INPP4B: variants seen among roughly 807,000 people sequenced by gnomAD.
INPP4B encodes inositol polyphosphate-4-phosphatase type II B.
INPP4B carries 55 observed loss-of-function variants against 122.5 expected under a neutral mutation model. The observed-to-expected ratio is 0.45, with a 90% CI of 0.36 to 0.56. The LOEUF (loss-of-function observed/expected upper bound fraction) is 0.56, where lower values mean the gene tolerates loss of function less well. Ranked by LOEUF, INPP4B falls within the 20% of genes least tolerant of loss-of-function variation. The pLI, the probability that INPP4B is intolerant of heterozygous loss-of-function variation, is 0.00. For synonymous variants in INPP4B, 403 were observed against 388.7 expected, an observed-to-expected ratio of 1.04 and a Z score of -0.43; for missense variants, 1,000 against 1,097.7, an observed-to-expected ratio of 0.91 and a Z score of 1.26.
chr4:142,784,614 T>A (rs774997842), intron 1 of INPP4B, among the ~76,000 whole-genome samples: 2 of 152,088 alleles, frequency 1.3e-5, no homozygotes, highest in Admixed American at 6.6e-5. Flanking sequence ...ACATGCAGGT[T>A]AGCTTGAGAG....
chr4:142,204,154 C>G (rs1308567489), intron 14 of INPP4B, among the ~76,000 whole-genome samples: 1 of 152,062 alleles, frequency 6.6e-6, no homozygotes, highest in Non-Finnish European at 1.5e-5. Flanking sequence ...CCCAAAATTT[C>G]AATGGAGTTT....
chr4:142,629,506 A>C (rs1361885080), intron 2 of INPP4B, among the ~76,000 whole-genome samples: 5 of 152,032 alleles, frequency 3.3e-5, no homozygotes, highest in Non-Finnish European at 2.9e-5. Flanking sequence ...GAGTGTATGC[A>C]TGAGTGTGTA....
At chr4:142,686,595 C>T (rs775127097) in intron 2 of INPP4B, among the ~76,000 whole-genome samples, 1 of 152,072 alleles carries the variant, frequency 6.6e-6, no homozygotes, top group Non-Finnish European at 1.5e-5. Flanking sequence ...ATTGTTACAT[C>T]TTTGACATTT....
At chr4:142,712,410 C>T (rs1763226026) in intron 2 of INPP4B, among the ~76,000 whole-genome samples, 1 of 152,180 alleles carries the variant, frequency 6.6e-6, no homozygotes, top group Admixed American at 6.5e-5. Context: ...GATGCAGATA[C>T]CTATACATGA....
At chr4:142,053,573 C>A (rs1849062) in intron 25 of INPP4B, among the ~76,000 whole-genome samples, 132,562 of 152,072 alleles carry the variant, frequency 0.87, 59,940 homozygotes, top group Non-Finnish European at 0.98. Flanking sequence ...ATAAAAGTTA[C>A]AATTGTACCT....
intron 9 of INPP4B, among the ~76,000 whole-genome samples, chr4:142,294,759 G>T (rs563635522): frequency 1.0e-4 from 14 of 135,252 alleles, no homozygotes; most frequent in Non-Finnish European, 1.5e-5. Flanking sequence ...GGGTAGAGAT[G>T]AAACTGAAAA....
At chr4:142,203,066 C>A (rs959786847) in intron 14 of INPP4B, among the ~76,000 whole-genome samples, 3 of 152,126 alleles carry the variant, frequency 2.0e-5, no homozygotes, top group Non-Finnish European at 4.4e-5. Context: ...ACGAGTGAAA[C>A]TCCATTGATT....
intron 1 of INPP4B, among the ~76,000 whole-genome samples, chr4:142,842,816 G>T (rs1783702869): frequency 7.8e-6 from 1 of 128,444 alleles, no homozygotes; most frequent in Non-Finnish European, 1.6e-5. Flanking sequence ...AAATATGTAT[G>T]ATATATATAA....
intron 17 of INPP4B, among the ~76,000 whole-genome samples, chr4:142,149,860 T>G (rs535141766): frequency 2.6e-5 from 4 of 152,260 alleles, no homozygotes; most frequent in East Asian, 1.9e-4. Context: ...AGGCCCCAGA[T>G]CCATTCATGT....
intron 3 of INPP4B, among the ~76,000 whole-genome samples, chr4:142,448,704 G>C (rs1268882822): frequency 6.6e-6 from 1 of 152,126 alleles, no homozygotes; most frequent in Non-Finnish European, 1.5e-5. Flanking sequence ...TACTTTGAAG[G>C]CTACCATCAT....
chr4:142,658,768 G>C (rs937111542), intron 2 of INPP4B, among the ~76,000 whole-genome samples: 1 of 152,002 alleles, frequency 6.6e-6, no homozygotes, highest in Non-Finnish European at 1.5e-5. Flanking sequence ...GGGGAAACTG[G>C]TCTCATACCT....
intron 1 of INPP4B, among the ~76,000 whole-genome samples, chr4:142,845,089 A>C (rs1234596588): frequency 6.6e-6 from 1 of 152,186 alleles, no homozygotes; most frequent in African/African-American, 2.4e-5. Context: ...AAAAGGAGTA[A>C]ATTTACATCC....
intron 17 of INPP4B, among the ~76,000 whole-genome samples, chr4:142,157,450 T>A (rs919010914): frequency 2.6e-5 from 4 of 152,142 alleles, no homozygotes; most frequent in African/African-American, 9.6e-5. Context: ...GTAACTTTTC[T>A]GAGTGGGAAA....
chr4:142,075,598 A>G (rs1182203954), intron 25 of INPP4B, among the ~76,000 whole-genome samples: 1 of 151,998 alleles, frequency 6.6e-6, no homozygotes, highest in African/African-American at 2.4e-5. Context: ...CCATTTTAGC[A>G]ATATCCAAAG....
chr4:142,638,746 C>T (rs1749725398), intron 2 of INPP4B, among the ~76,000 whole-genome samples: 1 of 151,962 alleles, frequency 6.6e-6, no homozygotes, highest in Non-Finnish European at 1.5e-5. Context: ...CGGGGTTTCA[C>T]CATGTTAGCC....
At chr4:142,413,346 T>A (rs1454013361) in intron 5 of INPP4B, among the ~76,000 whole-genome samples, 2 of 152,008 alleles carry the variant, frequency 1.3e-5, no homozygotes, top group Non-Finnish European at 2.9e-5. Flanking sequence ...TGTTTAAGAC[T>A]GAAAGAAAAG....
At chr4:142,409,386 G>A (rs886264721) in intron 5 of INPP4B, among the ~76,000 whole-genome samples, 18 of 152,066 alleles carry the variant, frequency 1.2e-4, no homozygotes, top group African/African-American at 2.7e-4. Flanking sequence ...CCAGCTACTC[G>A]GAGGGCTGAG....
At chr4:142,133,542 A>C (rs895147673) in intron 18 of INPP4B, among the ~76,000 whole-genome samples, 1 of 152,146 alleles carries the variant, frequency 6.6e-6, no homozygotes, top group Non-Finnish European at 1.5e-5. Context: ...CCTAGGTGTT[A>C]ATATCTAAGT....
At chr4:142,115,966 G>T (rs10001265) in intron 21 of INPP4B, among the ~76,000 whole-genome samples, 19,005 of 151,848 alleles carry the variant, frequency 0.13, 1,363 homozygotes, top group East Asian at 0.24. Flanking sequence ...GATGGAGGAA[G>T]ATCTACCAAG....
Sources: gnomAD v4.1 joint callset for allele counts (sites outside exome capture counted in the v4.1 genomes callset) on GRCh38, gnomAD v4.1.1 for gene constraint, MANE v1.5 for transcripts, NCBI Gene and HGNC (gene_info 2026-07-23, HGNC 2026-07-21) for gene names.